Variants in RIPPLY2 observed in about 807,000 individuals in gnomAD.
RIPPLY2 encodes the protein protein ripply2.
RIPPLY2 carries 20 observed loss-of-function variants against 17.7 expected under a neutral mutation model. The ratio of observed to expected loss-of-function variants is 1.13; its 90% confidence interval spans 0.79 to 1.64. The LOEUF (loss-of-function observed/expected upper bound fraction) is 1.64, where lower values mean the gene tolerates loss of function less well. RIPPLY2 is among the 40% of genes most tolerant of loss of function. RIPPLY2 has a pLI of 0.00. For missense variants in RIPPLY2, 213 were observed against 169.8 expected (o/e 1.25, Z -1.41); for synonymous variants, 69 against 63.9 (o/e 1.08, Z -0.38).
chr6:83,853,872 G>A (rs1562821698), intron 2 of RIPPLY2, 99 bp downstream of exon 2: 1 of 1,150,196 alleles, frequency 8.7e-7, no homozygotes, highest in Non-Finnish European at 1.3e-6. Context: ...GCGAGACACC[G>A]GGTCCTGCCT....
In RIPPLY2 at chr6:83,853,738, AAAG is replaced by A. The variant is rs763210523; in HGVS notation, c.144_146del (p.Glu50del). 1 of 1,613,552 alleles carries A rather than the reference AAAG, an allele frequency of 6.2e-7. No homozygotes were observed. Among genetic ancestry groups the A allele is most frequent in the Non-Finnish European group, 8.5e-7 (1 of 1,179,956 alleles). On this transcript the variant is annotated inframe_deletion, in exon 2 of 4. Coordinates refer to ENST00000369689, the MANE Select transcript of RIPPLY2 (RefSeq NM_001009994.3). ...ACCCTGGGTGGACGCCGGAGGCAAG[AAAG>A]AAGAGGAGACGCCGAACCACGCCGC... is the stretch of plus-strand genomic sequence containing the variant.
chr6:83,853,298 G>T, upstream of RIPPLY2: 1 of 735,746 alleles, frequency 1.4e-6, no homozygotes, highest in Non-Finnish European at 2.1e-6. Flanking sequence ...GAGAGGCAGC[G>T]AACCTCTCAA....
chr6:83,853,834 C>A (rs1230771045), intron 2 of RIPPLY2, 61 bp downstream of exon 2: 1 of 1,452,310 alleles, frequency 6.9e-7, no homozygotes. Context: ...GACCAGGGCT[C>A]TCGGGACGCA....
At chr6:83,854,249 T>A in intron 3 of RIPPLY2, 88 bp downstream of exon 3, 1 of 1,011,806 alleles carries the variant, frequency 9.9e-7, no homozygotes, top group South Asian at 1.3e-5. Context: ...CCGCAGCTGG[T>A]CCTGCAGTCT....
At chr6:83,853,933 A>G in intron 2 of RIPPLY2, 160 bp downstream of exon 2, 1 of 982,604 alleles carries the variant, frequency 1.0e-6, no homozygotes, top group South Asian at 1.5e-5. Context: ...GACGCGGCGG[A>G]TGTGTCCTCT....
At chr6:83,856,396 T>C (rs1033800347) in intron 3 of RIPPLY2, 2 of 152,228 alleles carry the variant, frequency 1.3e-5, no homozygotes, top group African/African-American at 2.4e-5. Context: ...ATTGTATGGA[T>C]ATATGGGCTG....
chr6:83,853,555 C>G (rs1588552810), intron 1 of RIPPLY2, 44 bp downstream of exon 1: 1 of 1,536,308 alleles, frequency 6.5e-7, no homozygotes, highest in East Asian at 2.4e-5. Flanking sequence ...CTTCCCCCGT[C>G]TCTCCCTCCT....
intron 3 of RIPPLY2, chr6:83,855,595 A>G (rs1176130670): frequency 1.3e-5 from 2 of 152,256 alleles, no homozygotes; most frequent in Admixed American, 6.5e-5. Flanking sequence ...TCATGAGTCA[A>G]GTTTTCCACT....
Position 83,853,679 on chromosome 6 carries a change from CT to C in RIPPLY2, c.96-15del. The C allele has an allele frequency of 6.2e-7, 1 of 1,610,818 alleles. No homozygotes were observed. Among genetic ancestry groups the C allele is most frequent in the Middle Eastern group, 1.7e-4 (1 of 6,036 alleles). On this transcript the variant is annotated splice_polypyrimidine_tract_variant and intron_variant, in intron 1 of 3. Transcript: ENST00000369689. The stretch of plus-strand genomic sequence containing the variant: ...TCACGTCTCCTCTGCGCGCCTTGTG[CT>C]CCCCTATCCCGCAGATACGCAGGCT...
rs2099455176 is a variant in RIPPLY2, at chr6:83,857,486, AAATT to A, written c.*99_*102del. The stretch of plus-strand genomic sequence containing the variant: ...ATTTTAAACTAATTTATTTGTATAT[AAATT>A]ATTAATAAAATGAAATATTTTGTAA... On this transcript the variant is annotated 3_prime_UTR_variant, in exon 4 of 4. Coordinates refer to ENST00000369689, the MANE Select transcript of RIPPLY2 (RefSeq NM_001009994.3). 1.5e-6 allele frequency: 1 copy of A among 648,744 alleles called. No homozygotes were observed. 40.2% of individuals were successfully genotyped at this position (648,744 alleles called of 1,614,324 possible). A position where few individuals can be genotyped will look rare whatever the true frequency, so the allele number is the denominator to read the frequency against.
chr6:83,854,212 G>A (rs750300592), intron 3 of RIPPLY2, 51 bp downstream of exon 3: 2 of 1,450,010 alleles, frequency 1.4e-6, no homozygotes, highest in Admixed American at 3.3e-5. Context: ...CCCCAGGGAG[G>A]AGCCAGGGGC....
Position 83,857,281 on chromosome 6 carries a change from T to C in RIPPLY2, c.279T>C (p.Tyr93=), listed in dbSNP as rs1014955013. Residue 93 remains tyrosine, a synonymous_variant, in exon 4 of 4, where the codon TAT becomes TAC. Coordinates refer to ENST00000369689, the MANE Select transcript of RIPPLY2 (RefSeq NM_001009994.3). ...AATCAAAATGTTATGATTACTTATA[T>C]CAAGAAGCAGAAGCTCTTCTGAAAA... The part of the protein sequence containing the change: ...WPKSKCYDYL[Y]QEAEALLKNF... The C allele has an allele frequency of 7.1e-6, 11 of 1,550,034 alleles. No homozygotes were observed. The highest frequency in any genetic ancestry group is 8.7e-6 in the Non-Finnish European group (10 of 1,151,968).
chr6:83,853,571 TC>T (rs2099454534), intron 1 of RIPPLY2, 60 bp downstream of exon 1: 8 of 1,530,420 alleles, frequency 5.2e-6, no homozygotes, highest in Non-Finnish European at 7.0e-6. Context: ...CTCCTGCGCC[TC>T]CCCAGCTCCT....
intron 2 of RIPPLY2, 133 bp downstream of exon 2, chr6:83,853,906 G>A (rs980456708): frequency 9.7e-7 from 1 of 1,034,178 alleles, no homozygotes; most frequent in South Asian, 1.5e-5. Flanking sequence ...CCGCCTGCCG[G>A]TGGCCATAAA....
At position 83,854,178 on chromosome 6, in the gene RIPPLY2, G is replaced by A; in HGVS notation, c.239+17G>A. 1.2e-6 allele frequency: 2 copies of A among 1,609,778 alleles called. No individual in the cohort carries two copies. Among genetic ancestry groups the A allele is most frequent in the Non-Finnish European group, 8.5e-7 (1 of 1,176,224 alleles). ...CCCAGTCAGGTGAGTGACAGGCCTC[G>A]CCGAAGGTCTCCCGCTCCTCCAGCC... is the stretch of plus-strand genomic sequence containing the variant. On this transcript the variant is annotated intron_variant, in intron 3 of 3. Transcript: ENST00000369689.
At chr6:83,855,425 C>T (rs2099454848) in intron 3 of RIPPLY2, 1 of 152,182 alleles carries the variant, frequency 6.6e-6, no homozygotes, top group Admixed American at 6.5e-5. Flanking sequence ...CTAGGAAATA[C>T]TTGAATGACA....
chr6:83,853,265 T>G, upstream of RIPPLY2: 1 of 622,676 alleles, frequency 1.6e-6, no homozygotes, highest in Non-Finnish European at 2.7e-6. Flanking sequence ...TTTTTGTTTA[T>G]GCGGCTAGCA....
Position 83,854,115 on chromosome 6 carries a change from A to G in RIPPLY2, c.193A>G (p.Met65Val), listed in dbSNP as rs76842238. 1 of 1,614,004 alleles carries G rather than the reference A, an allele frequency of 6.2e-7. No homozygotes were observed. The highest frequency in any genetic ancestry group is 1.3e-5 in the African/African-American group (1 of 74,920). ...TCTCCAGATGCCCGATGGCCCTGGA[A>G]TGACCGCAGCCTCAGGAAAGCTTTA... The part of the protein sequence containing the change: ...AAEAMPDGPG[M>V]TAASGKLYQF... Residue 65 changes from methionine (M) to valine (V), a missense_variant, in exon 3 of 4, where the codon ATG (methionine) becomes GTG (valine). Physicochemically the swap from Met to Val is conservative, Grantham distance 21. Coordinates refer to ENST00000369689, the MANE Select transcript of RIPPLY2 (RefSeq NM_001009994.3).
intron 2 of RIPPLY2, 102 bp from the exon 3 acceptor site, chr6:83,853,995 G>A: frequency 1.7e-6 from 2 of 1,211,594 alleles, no homozygotes; most frequent in South Asian, 1.2e-5. Flanking sequence ...TGAGAGCCCT[G>A]GGGTTACATT....
Sources: allele counts gnomAD v4.1 joint callset, GRCh38; gene constraint gnomAD v4.1.1; transcripts MANE v1.5; gene names NCBI Gene and HGNC (gene_info 2026-07-23, HGNC 2026-07-21).